Variants in WFDC10B observed in about 807,000 individuals in gnomAD.
WFDC10B encodes the protein WAP four-disulfide core domain 10B, also known as protein WFDC10B.
A neutral mutation model predicts 2.7 loss-of-function variants in WFDC10B; 1 was observed. That is an observed-to-expected ratio of 0.38 (90% CI 0.13 to 1.79). The LOEUF is 1.79. WFDC10B is among the 40% of genes most tolerant of loss of function. The pLI is 0.33. For synonymous variants in WFDC10B, 26 were observed against 32.2 expected, an observed-to-expected ratio of 0.81 and a Z score of 0.65; for missense variants, 71 against 87.8, an observed-to-expected ratio of 0.81 and a Z score of 0.76.
chr20:45,696,298 A>C (rs578009017), intron 2 of WFDC10B, among the ~76,000 whole-genome samples: 107 of 151,584 alleles, frequency 7.1e-4, no homozygotes, highest in African/African-American at 2.6e-3. Context: ...AAAAAAAAAA[A>C]AAAAAAAAGA....
At chr20:45,694,158 T>A (rs1600959222) in intron 2 of WFDC10B, among the ~76,000 whole-genome samples, 1 of 152,228 alleles carries the variant, frequency 6.6e-6, no homozygotes, top group South Asian at 2.1e-4. Context: ...TGTCAATTTT[T>A]GCTTTTGTTG....
rs1983600410 is a variant in WFDC10B at position 45,685,939 on chromosome 20, C to A, written c.54G>T (p.Gln18His). ...TCTTGTCACGGTATCCTCCCTGGGCCTGCAGCAGCAGCACACAGAGAACCA... is the reference window on the plus strand; with the variant it reads ...TCTTGTCACGGTATCCTCCCTGGGCATGCAGCAGCAGCACACAGAGAACCA... ...LVLVLCVLLL[Q>H]AQGGYRDKMR... Residue 18 changes from glutamine (Q) to histidine (H), a missense_variant, in exon 3 of 4, where the codon CAG becomes CAT. Physicochemically the swap from Gln to His is conservative, Grantham distance 24 (BLOSUM62 0). Coordinates refer to ENST00000330523, the MANE Select transcript of WFDC10B (RefSeq NM_172006.2). The A allele has an allele frequency of 2.5e-6, 4 of 1,614,190 alleles. No individual in the cohort carries two copies. The highest frequency in any genetic ancestry group is 1.1e-5 in the South Asian group (1 of 91,074).
In WFDC10B at chr20:45,686,794, G is replaced by A. The variant is rs575805627; in HGVS notation, c.-64-738C>T. On this transcript the variant is annotated intron_variant, in intron 2 of 3. Coordinates refer to ENST00000330523, the MANE Select transcript of WFDC10B (RefSeq NM_172006.2). ...TCGCACCTCAGCCTCCTGAGTAGCT[G>A]GGATTACAAGCATGTGCCATCACAC... Among the ~76,000 whole-genome samples the A allele has an allele frequency of 3.9e-5, 6 of 151,986 alleles. 1 individual carries two copies. The highest frequency in any genetic ancestry group is 1.4e-4 in the African/African-American group (6 of 41,464).
intron 2 of WFDC10B, among the ~76,000 whole-genome samples, chr20:45,695,121 G>A (rs145855000): frequency 5.8e-4 from 89 of 152,312 alleles, no homozygotes; most frequent in African/African-American, 1.8e-3. Flanking sequence ...CAAACTTTCA[G>A]ATGGGATTGT....
At chr20:45,692,483 T>A (rs373053022) in intron 2 of WFDC10B, among the ~76,000 whole-genome samples, 16 of 152,306 alleles carry the variant, frequency 1.1e-4, no homozygotes, top group African/African-American at 2.2e-4. Flanking sequence ...CAATCAGACG[T>A]AGATTTGGTC....
chr20:45,696,162 T>A (rs1983970302), intron 2 of WFDC10B, among the ~76,000 whole-genome samples: 1 of 151,766 alleles, frequency 6.6e-6, no homozygotes, highest in Non-Finnish European at 1.5e-5. Flanking sequence ...GTATGAGCCT[T>A]GTAGTCCCAG....
chr20:45,702,600 G>A (rs190524502), intron 2 of WFDC10B, among the ~76,000 whole-genome samples: 1 of 152,236 alleles, frequency 6.6e-6, no homozygotes, highest in African/African-American at 2.4e-5. Context: ...ATAAAACAGA[G>A]AGACAACGAA....
In WFDC10B at chr20:45,704,481, T is replaced by C; in HGVS notation, c.-65+16A>G. On this transcript the variant is annotated intron_variant, in intron 2 of 3. Coordinates refer to ENST00000330523, the MANE Select transcript of WFDC10B (RefSeq NM_172006.2). Reference sequence around the variant, plus strand: ...AACCTCCACCCTGCATATCAGCACCTGAAAACTGTACTCACCTGTGTACAA... The same window carrying C: ...AACCTCCACCCTGCATATCAGCACCCGAAAACTGTACTCACCTGTGTACAA... The C allele has an allele frequency of 1.9e-6, 3 of 1,614,104 alleles. No individual in the cohort carries two copies. The highest frequency in any genetic ancestry group is 2.5e-6 in the Non-Finnish European group (3 of 1,179,992).
chr20:45,694,911 A>G (rs1353579416), intron 2 of WFDC10B, among the ~76,000 whole-genome samples: 1 of 152,210 alleles, frequency 6.6e-6, no homozygotes, highest in East Asian at 1.9e-4. Flanking sequence ...AGATTTGATG[A>G]GCTTCTGAAT....
chr20:45,691,738 T>C (rs947973093), intron 2 of WFDC10B, among the ~76,000 whole-genome samples: 1 of 152,214 alleles, frequency 6.6e-6, no homozygotes, highest in African/African-American at 2.4e-5. Flanking sequence ...TGTCTCTGCA[T>C]GTGAGATGGG....
intron 2 of WFDC10B, among the ~76,000 whole-genome samples, chr20:45,692,096 A>G (rs181876329): frequency 2.2e-3 from 330 of 152,192 alleles, no homozygotes; most frequent in African/African-American, 7.6e-3. Context: ...TCACTTATGA[A>G]GCTTAGTTTG....
intron 2 of WFDC10B, among the ~76,000 whole-genome samples, chr20:45,695,611 A>G (rs1465817455): frequency 1.3e-5 from 2 of 152,220 alleles, no homozygotes; most frequent in Non-Finnish European, 2.9e-5. Context: ...AGAGAAGGAA[A>G]ACTGGAAAAT....
intron 2 of WFDC10B, 114 bp downstream of exon 2, chr20:45,704,383 A>G: frequency 6.5e-7 from 1 of 1,546,072 alleles, no homozygotes; most frequent in Non-Finnish European, 8.7e-7. Context: ...GGGCTTTCTG[A>G]GTTCTGAACA....
At chr20:45,689,813 C>T (rs1983749868) in intron 2 of WFDC10B, among the ~76,000 whole-genome samples, 1 of 152,176 alleles carries the variant, frequency 6.6e-6, no homozygotes, top group South Asian at 2.1e-4. Context: ...TTCCTCTTTT[C>T]CTAATTGAAT....
intron 2 of WFDC10B, among the ~76,000 whole-genome samples, chr20:45,691,184 C>T (rs563587444): frequency 9.2e-5 from 14 of 152,262 alleles, no homozygotes; most frequent in Admixed American, 2.6e-4. Context: ...AGTTTGATTG[C>T]ACTGTGATCT....
intron 2 of WFDC10B, among the ~76,000 whole-genome samples, chr20:45,699,008 G>GGAA (rs1353073049): frequency 1.3e-5 from 2 of 149,082 alleles, no homozygotes; most frequent in South Asian, 4.2e-4. Flanking sequence ...AGGGGGAGGG[G>GGAA]GAAGAAGAAG....
In WFDC10B at chr20:45,704,551, T is replaced by C. The variant is rs776105799; in HGVS notation, c.-119A>G. ...AGGATTTCAGTGCTGTTCCTCCTTC[T>C]GTGGGATAGTCTGTTCATCAGAAAC... On this transcript the variant is annotated 5_prime_UTR_variant, in exon 2 of 4. Coordinates refer to ENST00000330523, the MANE Select transcript of WFDC10B (RefSeq NM_172006.2). The C allele has an allele frequency of 6.2e-7, 1 of 1,614,198 alleles. No individual in the cohort carries two copies. Among genetic ancestry groups the C allele is most frequent in the Admixed American group, 1.7e-5 (1 of 60,022 alleles).
rs1379614766 is a variant in WFDC10B at position 45,704,501 on chromosome 20, G to C, written c.-69C>G. 6.2e-7 allele frequency: 1 copy of C among 1,614,026 alleles called. No homozygotes were observed. The highest frequency in any genetic ancestry group is 8.5e-7 in the Non-Finnish European group (1 of 1,180,022). ...GCACCTGAAAACTGTACTCACCTGT[G>C]TACAATGCAGGAAGATTGCGAGAAA... On this transcript the variant is annotated 5_prime_UTR_variant, in exon 2 of 4. An upstream open reading frame in the 5' UTR gains an earlier in-frame stop. Coordinates refer to ENST00000330523, the MANE Select transcript of WFDC10B (RefSeq NM_172006.2).
chr20:45,689,162 G>A (rs1170261969), intron 2 of WFDC10B, among the ~76,000 whole-genome samples: 18 of 148,738 alleles, frequency 1.2e-4, no homozygotes, highest in Admixed American at 4.0e-4. Flanking sequence ...GATATGTGGC[G>A]TTATTTCTGA....
Sources: gnomAD v4.1 joint callset for allele counts (sites outside exome capture counted in the v4.1 genomes callset) on GRCh38, gnomAD v4.1.1 for gene constraint, MANE v1.5 for transcripts, NCBI Gene and HGNC (gene_info 2026-07-23, HGNC 2026-07-21) for gene names.